LYG1: variants seen among roughly 807,000 people sequenced by gnomAD.
LYG1 encodes the protein lysozyme g1.
LYG1 carries 17 observed loss-of-function variants against 21.7 expected under a neutral mutation model. The ratio of observed to expected loss-of-function variants is 0.78; its 90% CI spans 0.54 to 1.18. The LOEUF (loss-of-function observed/expected upper bound fraction) is 1.18. LYG1 is among the 50% of genes most tolerant of loss of function. The pLI is 0.00. For missense variants in LYG1, 211 were observed against 238.1 expected, an observed-to-expected ratio of 0.89 and a Z score of 0.75; for synonymous variants, 81 against 87.4, an observed-to-expected ratio of 0.93 and a Z score of 0.41.
intron 3 of LYG1, among the ~76,000 whole-genome samples, chr2:99,293,014 T>A (rs1339607845): frequency 1.7e-5 from 2 of 119,978 alleles, no homozygotes; most frequent in African/African-American, 6.5e-5. Context: ...TTTTTTGAGA[T>A]GGAGTCTGGC....
chr2:99,284,625 T>C, intron 6 of LYG1, 63 bp downstream of exon 6: 1 of 1,595,518 alleles, frequency 6.3e-7, no homozygotes, highest in Non-Finnish European at 8.6e-7. Flanking sequence ...TCTGGTGCAA[T>C]GTATTATATT....
chr2:99,292,985 C>CTT (rs70940159), intron 3 of LYG1, among the ~76,000 whole-genome samples: 4,230 of 83,074 alleles, frequency 0.051, 350 homozygotes, highest in Admixed American at 0.13. Flanking sequence ...CCTCATCTTA[C>CTT]TTTTTTTTTT....
chr2:99,302,161 C>T (rs544444665), upstream of LYG1, among the ~76,000 whole-genome samples: 1 of 152,178 alleles, frequency 6.6e-6, no homozygotes, highest in South Asian at 2.1e-4. Flanking sequence ...TACCAGCATG[C>T]AACACTCTGC....
chr2:99,304,269 A>G (rs540156486), upstream of LYG1, among the ~76,000 whole-genome samples: 7 of 152,304 alleles, frequency 4.6e-5, no homozygotes, highest in Non-Finnish European at 1.0e-4. Flanking sequence ...ATGGTAGTGT[A>G]TAAGTCTCAT....
upstream of LYG1, among the ~76,000 whole-genome samples, chr2:99,303,657 G>T (rs1168521653): frequency 4.6e-5 from 7 of 152,306 alleles, no homozygotes; most frequent in East Asian, 1.4e-3. Context: ...AGTGACTCGG[G>T]AGACTTCACA....
chr2:99,298,812 G>T (rs550275503), intron 1 of LYG1, among the ~76,000 whole-genome samples: 18 of 152,222 alleles, frequency 1.2e-4, no homozygotes, highest in African/African-American at 4.3e-4. Context: ...GCTCTAAGCT[G>T]TGTTGTCACC....
rs111363512 is a variant in LYG1 at position 99,295,677 on chromosome 2, G to A, written c.-7C>T. The A allele has an allele frequency of 6.2e-7, 1 of 1,614,064 alleles. No homozygotes were observed. The highest frequency in any genetic ancestry group is 1.6e-4 in the Middle Eastern group (1 of 6,062). On this transcript the variant is annotated 5_prime_UTR_variant, in exon 3 of 7. Coordinates refer to ENST00000308528, the MANE Select transcript of LYG1 (RefSeq NM_174898.3). Reference sequence around the variant, plus strand: ...GCAGCCACAATGCAGACATGATGACGATCTGGCTCTACGGCTCCTGAAACA... The same window carrying A: ...GCAGCCACAATGCAGACATGATGACAATCTGGCTCTACGGCTCCTGAAACA...
chr2:99,303,505 C>T (rs2094159848), upstream of LYG1, among the ~76,000 whole-genome samples: 1 of 152,156 alleles, frequency 6.6e-6, no homozygotes, highest in Non-Finnish European at 1.5e-5. Context: ...ACCTGCTGCA[C>T]CTGGGTCCCC....
At chr2:99,285,181 G>C (rs747689555) in intron 5 of LYG1, among the ~76,000 whole-genome samples, 3 of 152,036 alleles carry the variant, frequency 2.0e-5, no homozygotes, top group Non-Finnish European at 4.4e-5. Flanking sequence ...CAGCAACATG[G>C]GAAAACTTCA....
intron 2 of LYG1, 31 bp downstream of exon 2, chr2:99,298,428 G>C (rs1309044596): frequency 1.3e-5 from 2 of 152,210 alleles, no homozygotes; most frequent in Non-Finnish European, 2.9e-5. Flanking sequence ...TGTTCCTGGT[G>C]GCTTTGATGG....
intron 2 of LYG1, among the ~76,000 whole-genome samples, chr2:99,297,667 G>T (rs1168450580): frequency 6.6e-6 from 1 of 152,160 alleles, no homozygotes; most frequent in Non-Finnish European, 1.5e-5. Context: ...GGTCATCAAG[G>T]TAAAGTTTTT....
Position 99,292,536 on chromosome 2 carries a change from C to G in LYG1, c.148G>C (p.Gly50Arg), listed in dbSNP as rs1287710085. ...IGRRHGLNYC[G>R]VRASERLAEI... ...TGAGAGGGCGAAAGCTCATAGCTAC[C>G]ACAGTAGTTCAGGCCGTGACGTCTT... The change falls in exon 4 of 7, where the codon GGA (glycine) becomes CGA (arginine). Residue 50 changes from glycine to arginine, a missense_variant and splice_region_variant. Transcript: ENST00000308528. The G allele has an allele frequency of 6.2e-7, 1 of 1,611,500 alleles. No individual in the cohort carries two copies.
rs752161388 is a variant in LYG1 at position 99,284,826 on chromosome 2, G to A, written c.334-6C>T. ...GGAGCTTGAGAGCCAGGGTCCTGCA[G>A]GGAAGGAGGCAGAGAAGAAGCCACG... On this transcript the variant is annotated splice_region_variant and splice_polypyrimidine_tract_variant and intron_variant, in intron 5 of 6. Transcript: ENST00000308528. 2 of 1,612,374 alleles carry A rather than the reference G, an allele frequency of 1.2e-6. No homozygotes were observed. The highest frequency in any genetic ancestry group is 2.2e-5 in the South Asian group (2 of 90,988).
At chr2:99,303,770 T>C (rs1259847246), upstream of LYG1, among the ~76,000 whole-genome samples, 1 of 152,144 alleles carries the variant, frequency 6.6e-6, no homozygotes, top group African/African-American at 2.4e-5. Flanking sequence ...CATAATTCCC[T>C]TGCATTGTGG....
At chr2:99,288,228 C>A (rs897436594) in intron 5 of LYG1, among the ~76,000 whole-genome samples, 4 of 152,030 alleles carry the variant, frequency 2.6e-5, no homozygotes, top group Admixed American at 2.0e-4. Flanking sequence ...ATAATTCTCT[C>A]CATACCAAAT....
chr2:99,294,602 C>T (rs1310359973), intron 3 of LYG1, among the ~76,000 whole-genome samples: 1 of 152,106 alleles, frequency 6.6e-6, no homozygotes, highest in Non-Finnish European at 1.5e-5. Context: ...CTCCTTGGTT[C>T]CTGCCTTGTG....
At chr2:99,288,600 A>G (rs1398374553) in intron 5 of LYG1, among the ~76,000 whole-genome samples, 2 of 151,862 alleles carry the variant, frequency 1.3e-5, no homozygotes, top group East Asian at 3.9e-4. Context: ...GTAGGGTCCC[A>G]CTCTCTCGCC....
intron 1 of LYG1, among the ~76,000 whole-genome samples, chr2:99,300,448 G>T (rs1211862918): frequency 6.6e-6 from 1 of 152,234 alleles, no homozygotes; most frequent in Non-Finnish European, 1.5e-5. Context: ...TCTGCACAGA[G>T]CAAATCAGGG....
chr2:99,288,316 T>A (rs2094107682), intron 5 of LYG1, among the ~76,000 whole-genome samples: 1 of 152,098 alleles, frequency 6.6e-6, no homozygotes, highest in South Asian at 2.1e-4. Context: ...TCCTGATAGG[T>A]CTTCTTTTTA....
Sources: allele counts gnomAD v4.1 joint callset (sites outside exome capture counted in the v4.1 genomes callset), GRCh38; gene constraint gnomAD v4.1.1; transcripts MANE v1.5; gene names NCBI Gene and HGNC (gene_info 2026-07-23, HGNC 2026-07-21).